Variants in COPS6 observed in about 807,000 individuals in gnomAD.
The protein encoded by COPS6 is COP9 signalosome subunit 6.
A neutral mutation model predicts 41.0 loss-of-function variants in COPS6; 9 were observed. The ratio of observed to expected loss-of-function variants is 0.22; its 90% CI spans 0.13 to 0.38. COPS6 has a LOEUF of 0.38. Among genes scored for constraint, COPS6 ranks in the 10% least tolerant of loss-of-function variants. COPS6 has a pLI of 1.00. For missense variants in COPS6, 302 were observed against 436.7 expected (o/e 0.69, Z 2.75); for synonymous variants, 179 against 162.9 (o/e 1.10, Z -0.75).
In COPS6 at chr7:100,091,117, G is replaced by A; in HGVS notation, c.614G>A (p.Arg205Gln). 4 of 1,614,214 alleles carry A rather than the reference G, an allele frequency of 2.5e-6. No individual in the cohort carries two copies. Among genetic ancestry groups the A allele is most frequent in the Non-Finnish European group, 2.5e-6 (3 of 1,180,034 alleles). ...AERIGVDHVA[R>Q]MTATGSGENS... The stretch of plus-strand genomic sequence containing the variant: ...CGCATTGGTGTAGACCACGTAGCCC[G>A]AATGACAGCAACAGGCAGTGGAGAG... The change falls in exon 7 of 10, where the codon CGA becomes CAA. Residue 205 changes from arginine to glutamine, a missense_variant. Transcript: ENST00000303904. The surrounding 1 kb of genome is among the most constrained non-coding windows in gnomAD (Gnocchi z 4.1).
chr7:100,090,524 A>G, intron 4 of COPS6, 37 bp downstream of exon 4: 1 of 1,610,410 alleles, frequency 6.2e-7, no homozygotes, highest in Non-Finnish European at 8.5e-7. Flanking sequence ...TGGGGCAGAG[A>G]ATGGAGAATG....
chr7:100,089,798 T>A, intron 3 of COPS6, 52 bp downstream of exon 3: 1 of 1,570,078 alleles, frequency 6.4e-7, no homozygotes, highest in Non-Finnish European at 8.7e-7. Flanking sequence ...AAAAAAAATG[T>A]ACAGGGTGGG....
Position 100,089,011 on chromosome 7 carries a change from G to C in COPS6, c.21G>C (p.Ala7=). The change falls in exon 1 of 10, where the codon GCG becomes GCC. Residue 7 remains alanine (A), a synonymous_variant. Coordinates refer to ENST00000303904, the MANE Select transcript of COPS6 (RefSeq NM_006833.5). MAAAAA[A]AAATNGTGGS... The stretch of plus-strand genomic sequence containing the variant: ...GGAAAATGGCGGCGGCGGCGGCGGC[G>C]GCTGCAGCTACGAACGGGACCGGAG... 1 of 1,311,328 alleles carries C rather than the reference G, an allele frequency of 7.6e-7. No homozygotes were observed. Among genetic ancestry groups the C allele is most frequent in the South Asian group, 2.6e-5 (1 of 38,654 alleles). 81.2% of individuals were successfully genotyped at this position (1,311,328 alleles called of 1,614,324 possible). A position where few individuals can be genotyped will look rare whatever the true frequency, so the allele number is the denominator to read the frequency against.
Position 100,091,029 on chromosome 7 carries a change from G to T in COPS6, c.535-9G>T, listed in dbSNP as rs761950993. 1.1e-5 allele frequency: 18 copies of T among 1,614,012 alleles called. 1 individual carries two copies. The South Asian group carries it at 1.9e-4, about 17-fold the overall frequency. ...TGATTCTCCCTTTGTGGGTTACCTT[G>T]CCCTGTAGGCCACAATGCTGTTTGC... On this transcript the variant is annotated splice_polypyrimidine_tract_variant and intron_variant, in intron 6 of 9. Coordinates refer to ENST00000303904, the MANE Select transcript of COPS6 (RefSeq NM_006833.5). This position sits in a 1 kb window ranked among gnomAD's most constrained non-coding sequence, Gnocchi z 4.1.
chr7:100,091,928 C>G lies in COPS6; in HGVS notation c.*139C>G. 1 of 1,049,874 alleles carries G rather than the reference C, an allele frequency of 9.5e-7. No individual in the cohort carries two copies. Among genetic ancestry groups the G allele is most frequent in the Non-Finnish European group, 1.4e-6 (1 of 725,720 alleles). 65.0% of individuals were successfully genotyped at this position (1,049,874 alleles called of 1,614,324 possible). A position where few individuals can be genotyped will look rare whatever the true frequency, so the allele number is the denominator to read the frequency against. On this transcript the variant is annotated 3_prime_UTR_variant, in exon 10 of 10. Coordinates refer to ENST00000303904, the MANE Select transcript of COPS6 (RefSeq NM_006833.5). The surrounding 1 kb of genome is among the most constrained non-coding windows in gnomAD (Gnocchi z 4.1). ...GCACCCCTGCTGGTGGCTCTGTCCT[C>G]TGTTAGGCACCACACTGGTTGGTCA...
rs781393690 is a variant in COPS6 at position 100,090,412 on chromosome 7, C to A, written c.348C>A (p.Phe116Leu). The part of the protein sequence containing the change: ...YTKEEQFKQV[F>L]KELEFLGWYT... Reference sequence around the variant, plus strand: ...CTTCCCCTCTAGTTAAACAGGTGTTCAAGGAGCTGGAGTTTCTGGGTTGGT... The same window carrying A: ...CTTCCCCTCTAGTTAAACAGGTGTTAAAGGAGCTGGAGTTTCTGGGTTGGT... Residue 116 changes from phenylalanine to leucine, a missense_variant, in exon 4 of 10, where the codon TTC (phenylalanine) becomes TTA (leucine). Physicochemically the swap from Phe to Leu is conservative, Grantham distance 22. This residue lies in a region of COPS6 where 222 missense variants were observed against 309.0 expected (regional missense o/e 0.72). Transcript: ENST00000303904. 1 of 1,612,514 alleles carries A rather than the reference C, an allele frequency of 6.2e-7. No homozygotes were observed. The highest frequency in any genetic ancestry group is 8.5e-7 in the Non-Finnish European group (1 of 1,178,820).
In COPS6 at chr7:100,090,355, A is replaced by C. The variant is rs759085534; in HGVS notation, c.335-44A>C. ...AGAGCGAGATTCCGTCTCAGAAAAA[A>C]AAAAAAAAAGAATTACTATATGTTC... On this transcript the variant is annotated intron_variant, in intron 3 of 9. Transcript: ENST00000303904. 4 of 1,481,038 alleles carry C rather than the reference A, an allele frequency of 2.7e-6. No individual in the cohort carries two copies. The Admixed American group carries it at 5.5e-5, about 20-fold the overall frequency. The allele number at this position is 1,481,038 out of a possible 1,614,324, so 91.7% of individuals were successfully genotyped here. A position where few individuals can be genotyped will look rare whatever the true frequency, so the allele number is the denominator to read the frequency against.
rs200193790 is a variant in COPS6, at chr7:100,091,496, C to A, written c.819C>A (p.Asp273Glu). The A allele has an allele frequency of 1.5e-5, 25 of 1,614,052 alleles. No individual in the cohort carries two copies. The highest frequency in any genetic ancestry group is 2.0e-5 in the Non-Finnish European group (24 of 1,180,016). The stretch of plus-strand genomic sequence containing the variant: ...ACTGTCTCCCGGTGCTCAGCACAGA[C>A]AAGTTCAAGACAGATTTTTATGATG... The part of the protein sequence containing the change: ...LCHCLPVLST[D>E]KFKTDFYDQC... Residue 273 changes from aspartate to glutamate, a missense_variant, in exon 9 of 10, where the codon GAC becomes GAA. By Grantham distance (45) the Asp-to-Glu change is conservative (BLOSUM62 2). Transcript: ENST00000303904. This position sits in a 1 kb window ranked among gnomAD's most constrained non-coding sequence, Gnocchi z 4.1.
chr7:100,091,549 G>A lies in COPS6; in HGVS notation c.843+29G>A. 2 of 1,613,704 alleles carry A rather than the reference G, an allele frequency of 1.2e-6. No homozygotes were observed. Among genetic ancestry groups the A allele is most frequent in the Non-Finnish European group, 1.7e-6 (2 of 1,179,640 alleles). The stretch of plus-strand genomic sequence containing the variant: ...AGTGTAAAACCCGGATGGGGAGGCG[G>A]GGCTTATGCTGTCACTTTCACGTGC... On this transcript the variant is annotated intron_variant, in intron 9 of 9. Transcript: ENST00000303904. The surrounding 1 kb of genome is among the most constrained non-coding windows in gnomAD (Gnocchi z 4.1).
chr7:100,089,019 C>T lies in COPS6; in HGVS notation c.29C>T (p.Ala10Val). The part of the protein sequence containing the change: MAAAAAAAA[A>V]TNGTGGSSGM... Reference sequence around the variant, plus strand: ...GCGGCGGCGGCGGCGGCGGCTGCAGCTACGAACGGGACCGGAGGAAGCAGC... The same window carrying T: ...GCGGCGGCGGCGGCGGCGGCTGCAGTTACGAACGGGACCGGAGGAAGCAGC... The change falls in exon 1 of 10, where the codon GCT (alanine) becomes GTT (valine). Residue 10 changes from alanine (A) to valine (V), a missense_variant. By Grantham distance (64) the Ala-to-Val change is moderately conservative. Transcript: ENST00000303904. The T allele has an allele frequency of 1.5e-6, 2 of 1,322,228 alleles. No homozygotes were observed. The highest frequency in any genetic ancestry group is 1.9e-6 in the Non-Finnish European group (2 of 1,032,998). The allele number at this position is 1,322,228 out of a possible 1,614,324, so 81.9% of individuals were successfully genotyped here. A position where few individuals can be genotyped will look rare whatever the true frequency, so the allele number is the denominator to read the frequency against.
In COPS6 at chr7:100,090,672, C is replaced by T. The variant is rs1353803391; in HGVS notation, c.486+18C>T. On this transcript the variant is annotated intron_variant, in intron 5 of 9. Coordinates refer to ENST00000303904, the MANE Select transcript of COPS6 (RefSeq NM_006833.5). ...ACACAGATGTGAGTAATACTCCATGCCTACTCTGTCATGATTGTCGCTATA... is the reference window on the plus strand; with the variant it reads ...ACACAGATGTGAGTAATACTCCATGTCTACTCTGTCATGATTGTCGCTATA... The T allele has an allele frequency of 6.2e-7, 1 of 1,607,650 alleles. No individual in the cohort carries two copies. The highest frequency in any genetic ancestry group is 1.7e-5 in the Admixed American group (1 of 60,000).
At position 100,091,564 on chromosome 7, in the gene COPS6, C is replaced by T. The variant is rs1467065264; in HGVS notation, c.843+44C>T. ...TGGGGAGGCGGGGCTTATGCTGTCA[C>T]TTTCACGTGCAGGACTGGGGACTGT... On this transcript the variant is annotated intron_variant, in intron 9 of 9. Transcript: ENST00000303904. The surrounding 1 kb of genome is among the most constrained non-coding windows in gnomAD (Gnocchi z 4.1). 3 of 1,613,790 alleles carry T rather than the reference C, an allele frequency of 1.9e-6. No homozygotes were observed. Among genetic ancestry groups the T allele is most frequent in the Non-Finnish European group, 2.5e-6 (3 of 1,179,780 alleles).
rs369230943 is a variant in COPS6, at chr7:100,089,457, C to T, written c.202+42C>T. 1,952 of 1,612,814 alleles carry T rather than the reference C, an allele frequency of 1.2e-3. 3 individuals are homozygous for T. Among genetic ancestry groups the T allele is most frequent in the Non-Finnish European group, 1.5e-3 (1,797 of 1,179,702 alleles). On this transcript the variant is annotated intron_variant, in intron 2 of 9. Transcript: ENST00000303904. The stretch of plus-strand genomic sequence containing the variant: ...GACTCCAGTCTCTTCTCCTTGCTCA[C>T]CTCCCCCAGGCAGTGGTCTTTTCCC...
In COPS6 at chr7:100,090,633, C is replaced by T; in HGVS notation, c.465C>T (p.Asn155=). 6.2e-7 allele frequency: 1 copy of T among 1,614,094 alleles called. No homozygotes were observed. Among genetic ancestry groups the T allele is most frequent in the South Asian group, 1.1e-5 (1 of 91,074 alleles). The change falls in exon 5 of 10, where the codon AAC becomes AAT. Residue 155 remains asparagine, a synonymous_variant. Transcript: ENST00000303904. ...AGAGCCCCCTCTTTCTGAAGTTGAA[C>T]CCTATGACCAAGCACACAGATGTGA... The part of the protein sequence containing the change: ...IIESPLFLKL[N]PMTKHTDLPV...
chr7:100,090,208 C>T (rs1795290998), intron 3 of COPS6, 191 bp from the exon 4 acceptor site: 1 of 585,266 alleles, frequency 1.7e-6, no homozygotes. Context: ...ATTAGTCTGG[C>T]ATGGTGGTGC....
At position 100,091,351 on chromosome 7, in the gene COPS6, G is replaced by T; in HGVS notation, c.742+21G>T. 6.2e-7 allele frequency: 1 copy of T among 1,613,504 alleles called. No individual in the cohort carries two copies. The highest frequency in any genetic ancestry group is 1.1e-5 in the South Asian group (1 of 91,082). On this transcript the variant is annotated intron_variant, in intron 8 of 9. Coordinates refer to ENST00000303904, the MANE Select transcript of COPS6 (RefSeq NM_006833.5). The surrounding 1 kb of genome is among the most constrained non-coding windows in gnomAD (Gnocchi z 4.1). ...AGCGGGTAGGACAGGGGCTTCCCTG[G>T]CATTCTTCCTCTCCCTCCTGGGGAA...
At chr7:100,089,478 T>C (rs1417076571) in intron 2 of COPS6, 63 bp downstream of exon 2, 3 of 1,609,572 alleles carry the variant, frequency 1.9e-6, no homozygotes, top group Non-Finnish European at 2.5e-6. Flanking sequence ...CAGTGGTCTT[T>C]TCCCCTTCCT....
At chr7:100,090,685 G>T (rs1243956102) in intron 5 of COPS6, 31 bp downstream of exon 5, 2 of 1,601,038 alleles carry the variant, frequency 1.2e-6, no homozygotes, top group African/African-American at 1.3e-5. Flanking sequence ...ACTCTGTCAT[G>T]ATTGTCGCTA....
At position 100,091,673 on chromosome 7, in the gene COPS6, G is replaced by A. The variant is rs766604429; in HGVS notation, c.868G>A (p.Ala290Thr). 30 of 1,614,098 alleles carry A rather than the reference G, an allele frequency of 1.9e-5. No homozygotes were observed. Among genetic ancestry groups the A allele is most frequent in the Non-Finnish European group, 2.5e-5 (29 of 1,180,052 alleles). Residue 290 changes from alanine to threonine, a missense_variant, in exon 10 of 10, where the codon GCC becomes ACC. Physicochemically the swap from Ala to Thr is moderately conservative, Grantham distance 58. Coordinates refer to ENST00000303904, the MANE Select transcript of COPS6 (RefSeq NM_006833.5). This position sits in a 1 kb window ranked among gnomAD's most constrained non-coding sequence, Gnocchi z 4.1. ...YDQCNDVGLM[A>T]YLGTITKTCN... ...GCAATGCAACGACGTGGGGCTCATGGCCTACCTCGGCACCATCACCAAAAC... is the reference window on the plus strand; with the variant it reads ...GCAATGCAACGACGTGGGGCTCATGACCTACCTCGGCACCATCACCAAAAC...
Sources: allele counts gnomAD v4.1 joint callset, GRCh38; gene constraint gnomAD v4.1.1; regional missense constraint gnomAD v4.1.1; non-coding constraint Gnocchi (gnomAD v3.1); transcripts MANE v1.5; gene names NCBI Gene and HGNC (gene_info 2026-07-23, HGNC 2026-07-21).